The following KPNA3 variants were observed in gnomAD, a reference collection of about 807,000 sequenced individuals.
The protein encoded by KPNA3 is karyopherin subunit alpha 3, also known as importin subunit alpha-4.
In KPNA3, 13 loss-of-function variants were observed where a neutral mutation model predicts 73.8. That is an observed-to-expected ratio of 0.18 (90% confidence interval 0.11 to 0.28). KPNA3 has a LOEUF of 0.28. Ranked by LOEUF, KPNA3 falls within the 10% of genes least tolerant of loss-of-function variation. KPNA3 has a pLI of 1.00. For synonymous variants in KPNA3, 186 were observed against 206.9 expected (o/e 0.90, Z 0.87); for missense variants, 360 against 618.1 (o/e 0.58, Z 4.43).
chr13:49,712,576 G>A (rs1954269598), intron 10 of KPNA3, among the ~76,000 whole-genome samples: 1 of 151,720 alleles, frequency 6.6e-6, no homozygotes, highest in Non-Finnish European at 1.5e-5. Context: ...TGTGTCTTCA[G>A]AGACCCTACA....
chr13:49,729,724 G>A (rs1172446596), intron 6 of KPNA3, among the ~76,000 whole-genome samples: 1 of 152,210 alleles, frequency 6.6e-6, no homozygotes, highest in African/African-American at 2.4e-5. Flanking sequence ...AGCTTGCAGT[G>A]AGCCAAGATT....
intron 10 of KPNA3, among the ~76,000 whole-genome samples, chr13:49,716,469 C>T (rs549363052): frequency 1.3e-5 from 2 of 151,998 alleles, no homozygotes; most frequent in South Asian, 2.1e-4. Context: ...CACAGCATCT[C>T]GCTCTGTTGC....
chr13:49,730,550 A>AAAAAAAAAAG (rs1954455171), intron 6 of KPNA3, among the ~76,000 whole-genome samples: 1 of 138,002 alleles, frequency 7.2e-6, no homozygotes, highest in Non-Finnish European at 1.6e-5. Context: ...AAAAAAAAAA[A>AAAAAAAAAAG]AAAAAGAACA....
At position 49,740,818 on chromosome 13, in the gene KPNA3, C is replaced by T. The variant is rs117254340; in HGVS notation, c.114+6131G>A. On this transcript the variant is annotated intron_variant, in intron 2 of 16. Coordinates refer to ENST00000261667, the MANE Select transcript of KPNA3 (RefSeq NM_002267.4). ...TCTCCCCAAATCCCTGTACCCCCCACCCCTGGCCCCAGCCCCTGGTAACCA... is the reference window on the plus strand; with the variant it reads ...TCTCCCCAAATCCCTGTACCCCCCATCCCTGGCCCCAGCCCCTGGTAACCA... 4.9e-3 allele frequency among the ~76,000 whole-genome samples: 743 copies of T among 152,110 alleles called. 8 individuals carry two copies. Among genetic ancestry groups the T allele is most frequent in the Non-Finnish European group, 8.5e-3 (581 of 68,000 alleles).
At chr13:49,722,914 C>T (rs1310581898) in intron 7 of KPNA3, among the ~76,000 whole-genome samples, 6 of 150,460 alleles carry the variant, frequency 4.0e-5, no homozygotes, top group Non-Finnish European at 8.9e-5. Flanking sequence ...AATCTCAATT[C>T]CTGATACGGG....
At chr13:49,757,005 A>AG (rs1484959224) in intron 1 of KPNA3, among the ~76,000 whole-genome samples, 13 of 152,212 alleles carry the variant, frequency 8.5e-5, no homozygotes, top group Admixed American at 2.0e-4. Flanking sequence ...ATTGACAGAC[A>AG]AAAATATTAA....
intron 2 of KPNA3, among the ~76,000 whole-genome samples, chr13:49,737,561 CTGTGTGTGTGTGTGTGTGTGTGTGTGTG>C (rs3990330): frequency 1.8e-4 from 26 of 142,958 alleles, no homozygotes; most frequent in South Asian, 1.1e-3. Context: ...GTGTGTGTGT[CTGTGTGTGTGTGTGTGTGTGTGTGTGTG>C]TGTGTGTGTG....
intron 15 of KPNA3, among the ~76,000 whole-genome samples, chr13:49,705,285 G>A (rs141628935): frequency 0.02 from 3,037 of 151,878 alleles, 42 homozygotes; most frequent in South Asian, 0.03. Flanking sequence ...CTTGAACTCG[G>A]GAGGCAGAGG....
intron 1 of KPNA3, among the ~76,000 whole-genome samples, chr13:49,764,975 CTT>C (rs942029641): frequency 6.6e-6 from 1 of 152,178 alleles, no homozygotes; most frequent in African/African-American, 2.4e-5. Context: ...CGGGAGAACA[CTT>C]CATTCATTCT....
chr13:49,738,754 T>C (rs1954547267), intron 2 of KPNA3, among the ~76,000 whole-genome samples: 1 of 152,228 alleles, frequency 6.6e-6, no homozygotes, highest in Non-Finnish European at 1.5e-5. Context: ...ATGTTCTACA[T>C]AGATAATCAC....
chr13:49,733,901 G>A (rs1954495231), intron 2 of KPNA3, among the ~76,000 whole-genome samples: 1 of 152,184 alleles, frequency 6.6e-6, no homozygotes, highest in African/African-American at 2.4e-5. Context: ...CCTGTCAGCT[G>A]ACCAGAGACA....
intron 2 of KPNA3, among the ~76,000 whole-genome samples, chr13:49,739,810 A>G (rs1388312590): frequency 6.6e-6 from 1 of 152,242 alleles, no homozygotes; most frequent in Non-Finnish European, 1.5e-5. Context: ...TGTGAAACTA[A>G]GCACACTGTT....
intron 6 of KPNA3, among the ~76,000 whole-genome samples, chr13:49,730,004 C>G (rs1364919397): frequency 2.0e-5 from 3 of 152,160 alleles, no homozygotes; most frequent in African/African-American, 7.2e-5. Flanking sequence ...CATTATAACA[C>G]AACTTCCCAT....
At chr13:49,702,257 G>A in intron 16 of KPNA3, 129 bp downstream of exon 16, 2 of 605,954 alleles carry the variant, frequency 3.3e-6, no homozygotes, top group Non-Finnish European at 5.8e-6. Context: ...AGTGACTGAT[G>A]GAATGTCTAA....
intron 1 of KPNA3, among the ~76,000 whole-genome samples, chr13:49,756,752 A>C (rs1954715238): frequency 6.6e-6 from 1 of 152,250 alleles, no homozygotes; most frequent in Non-Finnish European, 1.5e-5. Context: ...AGAATAGTTA[A>C]AACAATTCTG....
chr13:49,775,162 CAAAAAAAAA>C (rs60494803), intron 1 of KPNA3, among the ~76,000 whole-genome samples: 6 of 93,064 alleles, frequency 6.4e-5, no homozygotes, highest in African/African-American at 2.0e-4. Flanking sequence ...GACTCTGTCT[CAAAAAAAAA>C]AAAAAAAAAA....
At chr13:49,774,852 G>A (rs753307573) in intron 1 of KPNA3, among the ~76,000 whole-genome samples, 3 of 152,084 alleles carry the variant, frequency 2.0e-5, no homozygotes, top group Non-Finnish European at 2.9e-5. Flanking sequence ...TTAGGAATGT[G>A]TTCTCATTAT....
At chr13:49,727,728 T>C (rs2137549495) in intron 6 of KPNA3, among the ~76,000 whole-genome samples, 1 of 152,194 alleles carries the variant, frequency 6.6e-6, no homozygotes, top group Middle Eastern at 3.4e-3. Flanking sequence ...TGATCTAGTT[T>C]GAGGCACTAA....
intron 1 of KPNA3, among the ~76,000 whole-genome samples, chr13:49,755,603 G>T (rs901412337): frequency 1.3e-5 from 2 of 152,014 alleles, no homozygotes; most frequent in African/African-American, 2.4e-5. Flanking sequence ...AAGACCATCT[G>T]GTCAACATAG....
Sources: gnomAD v4.1 joint callset for allele counts (sites outside exome capture counted in the v4.1 genomes callset) on GRCh38, gnomAD v4.1.1 for gene constraint, MANE v1.5 for transcripts, NCBI Gene and HGNC (gene_info 2026-07-23, HGNC 2026-07-21) for gene names.